Variants in CRYBG1 observed in about 807,000 individuals in gnomAD.
The protein encoded by CRYBG1 is crystallin beta-gamma domain containing 1, also known as beta/gamma crystallin domain-containing protein 1.
Under a neutral mutation model 189.2 loss-of-function variants are expected in CRYBG1, and 139 were observed. That is an observed-to-expected ratio of 0.73 (90% CI 0.64 to 0.85). The LOEUF is 0.85. Ranked by LOEUF, CRYBG1 falls within the 40% of genes least tolerant of loss-of-function variation. The pLI, the probability that CRYBG1 is intolerant of heterozygous loss-of-function variation, is 0.00. For missense variants in CRYBG1, 2,611 were observed against 2,675.8 expected (o/e 0.98, Z 0.53); for synonymous variants, 1,023 against 1,017.1 (o/e 1.01, Z -0.11).
chr6:106,493,730 A>G (rs1395150381), intron 2 of CRYBG1, among the ~76,000 whole-genome samples: 2 of 152,206 alleles, frequency 1.3e-5, no homozygotes, highest in South Asian at 2.1e-4. Context: ...CAAACACCGC[A>G]TGTTCTCACT....
At chr6:106,435,231 T>C (rs1771431651) in intron 1 of CRYBG1, among the ~76,000 whole-genome samples, 1 of 152,048 alleles carries the variant, frequency 6.6e-6, no homozygotes, top group Non-Finnish European at 1.5e-5. Context: ...GATGGTGTGA[T>C]CATAGCTTAC....
chr6:106,470,103 CCA>C (rs1772200210), intron 2 of CRYBG1, among the ~76,000 whole-genome samples: 1 of 152,190 alleles, frequency 6.6e-6, no homozygotes, highest in South Asian at 2.1e-4. Flanking sequence ...TCACTCCTCT[CCA>C]GTCTGCCCAG....
chr6:106,555,765 T>C lies in CRYBG1; in HGVS notation c.5586-3T>C, dbSNP rs200720214. The C allele has an allele frequency of 1.5e-5, 25 of 1,614,118 alleles. No homozygotes were observed. In the East Asian group the frequency reaches 4.9e-4, roughly 32 times the overall value. On this transcript the variant is annotated splice_region_variant and splice_polypyrimidine_tract_variant and intron_variant, in intron 16 of 21. Coordinates refer to ENST00000633556, the MANE Select transcript of CRYBG1 (RefSeq NM_001371242.2). ...TGCATGTGTGTGGTTTTTCCCATTG[T>C]AGCTGGGTTGTATATGATGGAGAAA... is the stretch of plus-strand genomic sequence containing the variant.
intron 1 of CRYBG1, among the ~76,000 whole-genome samples, chr6:106,405,369 A>G (rs530952471): frequency 1.3e-5 from 2 of 152,210 alleles, no homozygotes; most frequent in Non-Finnish European, 2.9e-5. Context: ...TCTGAAAGAA[A>G]GGCAGCAGCC....
intron 1 of CRYBG1, among the ~76,000 whole-genome samples, chr6:106,430,890 C>T (rs912635219): frequency 2.0e-5 from 3 of 152,056 alleles, no homozygotes; most frequent in Non-Finnish European, 4.4e-5. Context: ...GAGATGGAGT[C>T]TCGCTCTGTC....
At chr6:106,398,905 G>A (rs1770665949) in intron 1 of CRYBG1, among the ~76,000 whole-genome samples, 1 of 152,168 alleles carries the variant, frequency 6.6e-6, no homozygotes, top group Admixed American at 6.5e-5. Context: ...CACATGACAT[G>A]TGACACATAG....
At chr6:106,510,501 C>T (rs1773226149) in intron 2 of CRYBG1, among the ~76,000 whole-genome samples, 1 of 152,266 alleles carries the variant, frequency 6.6e-6, no homozygotes, top group Non-Finnish European at 1.5e-5. Context: ...CCTGGGAGCG[C>T]TGCGGATCAT....
Position 106,426,154 on chromosome 6 carries a change from A to C in CRYBG1, c.174-25540A>C, listed in dbSNP as rs151189807. ...CCCACACCCACCACCAACTTGTCTT[A>C]ATTTGTACCCGTGTCCTCAACTTTT... On this transcript the variant is annotated intron_variant, in intron 1 of 21. Coordinates refer to ENST00000633556, the MANE Select transcript of CRYBG1 (RefSeq NM_001371242.2). 2.5e-3 allele frequency among the ~76,000 whole-genome samples: 381 copies of C among 152,198 alleles called. 5 individuals are homozygous for C. Among genetic ancestry groups the C allele is most frequent in the African/African-American group, 8.5e-3 (354 of 41,516 alleles).
rs530624547 is a variant in CRYBG1, at chr6:106,489,685, G to A, written c.313-21745G>A. 2.4e-3 allele frequency among the ~76,000 whole-genome samples: 266 copies of A among 109,542 alleles called. 2 individuals carry two copies. The highest frequency in any genetic ancestry group is 9.8e-3 in the African/African-American group (251 of 25,520). The allele number at this position is 109,542 out of a possible 152,430, so 71.9% of individuals were successfully genotyped here. A position where few individuals can be genotyped will look rare whatever the true frequency, so the allele number is the denominator to read the frequency against. Reference sequence around the variant, plus strand: ...AATACAAAAAAAAAAAAAATTAGCCGGGGGCGGTAGTATGCACCTGTAATC... The same window carrying A: ...AATACAAAAAAAAAAAAAATTAGCCAGGGGCGGTAGTATGCACCTGTAATC... On this transcript the variant is annotated intron_variant, in intron 2 of 21. Coordinates refer to ENST00000633556, the MANE Select transcript of CRYBG1 (RefSeq NM_001371242.2).
At chr6:106,461,846 A>T (rs1772013212) in intron 2 of CRYBG1, among the ~76,000 whole-genome samples, 1 of 152,158 alleles carries the variant, frequency 6.6e-6, no homozygotes, top group Non-Finnish European at 1.5e-5. Flanking sequence ...TGTGCTAATA[A>T]TCGCAGCAGG....
intron 2 of CRYBG1, among the ~76,000 whole-genome samples, chr6:106,484,063 T>C (rs752869285): frequency 1.6e-4 from 24 of 152,354 alleles, no homozygotes; most frequent in South Asian, 1.2e-3. Context: ...TTTTTCTGTA[T>C]GTGGCTGTTC....
intron 1 of CRYBG1, among the ~76,000 whole-genome samples, chr6:106,432,925 T>C (rs1202078083): frequency 1.4e-5 from 2 of 147,968 alleles, no homozygotes; most frequent in East Asian, 4.0e-4. Flanking sequence ...CTGCAACCTC[T>C]GTCTCCTGGG....
At chr6:106,462,200 T>C (rs2114454095) in intron 2 of CRYBG1, among the ~76,000 whole-genome samples, 1 of 152,340 alleles carries the variant, frequency 6.6e-6, no homozygotes, top group African/African-American at 2.4e-5. Flanking sequence ...AGACGGAGTC[T>C]CGCTCTGTCG....
At chr6:106,431,490 C>T (rs1312014523) in intron 1 of CRYBG1, among the ~76,000 whole-genome samples, 1 of 151,762 alleles carries the variant, frequency 6.6e-6, no homozygotes, top group Non-Finnish European at 1.5e-5. Context: ...CCCCCCAGTT[C>T]TAAAATAAAA....
rs768594415 is a variant in CRYBG1, at chr6:106,512,936, C to A, written c.1819C>A (p.Leu607Met). The A allele has an allele frequency of 8.1e-6, 13 of 1,609,798 alleles. No homozygotes were observed. The South Asian group carries it at 1.1e-4, about 14-fold the overall frequency. ...GRAEGGRSRE[L>M]GRAAGAPGAS... is the part of the protein sequence containing the mutation. Reference sequence around the variant, plus strand: ...GGCAGAGGGAGGTCGAAGCAGAGAGCTGGGCAGAGCGGCCGGAGCGCCTGG... The same window carrying A: ...GGCAGAGGGAGGTCGAAGCAGAGAGATGGGCAGAGCGGCCGGAGCGCCTGG... Residue 607 changes from leucine to methionine, a missense_variant, in exon 3 of 22, where the codon CTG becomes ATG. Leu to Met is a conservative substitution (Grantham distance 15). Around this residue, in one of 3 missense-constraint regions of CRYBG1, gnomAD observed 985 missense variants for 924.4 expected, o/e 1.07. Coordinates refer to ENST00000633556, the MANE Select transcript of CRYBG1 (RefSeq NM_001371242.2).
intron 1 of CRYBG1, among the ~76,000 whole-genome samples, chr6:106,371,824 G>T (rs1228046484): frequency 6.6e-6 from 1 of 152,232 alleles, no homozygotes. Flanking sequence ...ATGTTACCCT[G>T]TAAAAGGTTT....
chr6:106,555,933 T>A (rs1488961408), intron 17 of CRYBG1, 36 bp downstream of exon 17: 3 of 1,612,694 alleles, frequency 1.9e-6, no homozygotes, highest in Non-Finnish European at 2.5e-6. Flanking sequence ...TGCAGAAATG[T>A]ATGCCTCATA....
chr6:106,549,308 T>C (rs1774345465), intron 13 of CRYBG1, among the ~76,000 whole-genome samples: 1 of 152,186 alleles, frequency 6.6e-6, no homozygotes, highest in South Asian at 2.1e-4. Flanking sequence ...CCCGGGGACC[T>C]TGGCCCACTC....
At chr6:106,518,125 T>C (rs774366434) in intron 3 of CRYBG1, among the ~76,000 whole-genome samples, 2 of 152,172 alleles carry the variant, frequency 1.3e-5, no homozygotes, top group African/African-American at 4.8e-5. Flanking sequence ...AAGCAAGATA[T>C]CAAATTATAT....
Sources: allele counts gnomAD v4.1 joint callset (sites outside exome capture counted in the v4.1 genomes callset), GRCh38; gene constraint gnomAD v4.1.1; regional missense constraint gnomAD v4.1.1; transcripts MANE v1.5; gene names NCBI Gene and HGNC (gene_info 2026-07-23, HGNC 2026-07-21).